Variants in ANTXR2 observed in about 807,000 individuals in gnomAD.
ANTXR2 encodes the protein ANTXR cell adhesion molecule 2, also known as anthrax toxin receptor 2.
In ANTXR2, 44 loss-of-function variants were observed where a neutral mutation model predicts 73.7. That is an observed-to-expected ratio of 0.60 (90% CI 0.47 to 0.77). The LOEUF (loss-of-function observed/expected upper bound fraction) is 0.77, where lower values mean the gene tolerates loss of function less well. Among genes scored for constraint, ANTXR2 ranks in the 30% least tolerant of loss-of-function variants. The pLI, the probability that ANTXR2 is intolerant of heterozygous loss-of-function variation, is 0.00. For missense variants in ANTXR2, 604 were observed against 592.5 expected, an observed-to-expected ratio of 1.02 and a Z score of -0.20; for synonymous variants, 217 against 205.9, an observed-to-expected ratio of 1.05 and a Z score of -0.46.
At chr4:80,030,244 G>T (rs1016293970) in intron 10 of ANTXR2, among the ~76,000 whole-genome samples, 1 of 151,960 alleles carries the variant, frequency 6.6e-6, no homozygotes, top group African/African-American at 2.4e-5. Context: ...ATTTTTACCT[G>T]AACAACAAAA....
At chr4:79,979,323 G>A (rs1729784120) in intron 14 of ANTXR2, among the ~76,000 whole-genome samples, 1 of 152,016 alleles carries the variant, frequency 6.6e-6, no homozygotes, top group Non-Finnish European at 1.5e-5. Flanking sequence ...GGCGAGGTCA[G>A]AGGAGTGAAG....
intron 16 of ANTXR2, among the ~76,000 whole-genome samples, chr4:79,957,317 T>C (rs1392201017): frequency 6.6e-6 from 1 of 152,108 alleles, no homozygotes; most frequent in Non-Finnish European, 1.5e-5. Flanking sequence ...AATAATTAAT[T>C]AATAGGTACA....
intron 12 of ANTXR2, among the ~76,000 whole-genome samples, chr4:80,006,189 G>A (rs1731294089): frequency 6.6e-6 from 1 of 151,914 alleles, no homozygotes; most frequent in South Asian, 2.1e-4. Flanking sequence ...CCGCTATTAG[G>A]ACTTCAGTTA....
At position 79,902,952 on chromosome 4, in the gene ANTXR2, C is replaced by T. The variant is rs914579323; in HGVS notation, c.*4477G>A. The T allele has an allele frequency of 5.3e-5, 8 of 151,966 alleles. No homozygotes were observed. The highest frequency in any genetic ancestry group is 1.9e-4 in the African/African-American group (8 of 41,338). 9.4% of individuals were successfully genotyped at this position (151,966 alleles called of 1,614,324 possible). On this transcript the variant is annotated 3_prime_UTR_variant, in exon 17 of 17. Coordinates refer to ENST00000403729, the MANE Select transcript of ANTXR2 (RefSeq NM_058172.6). ...ATCACTTGAGGCCAGGTGTTTGAGA[C>T]CAGTCTGAGCAACATAGCGAAACCC...
chr4:80,000,587 C>T (rs546087581), intron 12 of ANTXR2, among the ~76,000 whole-genome samples: 20 of 152,054 alleles, frequency 1.3e-4, no homozygotes, highest in Admixed American at 1.2e-3. Context: ...ACAAATAATA[C>T]ATAAATCATT....
intron 16 of ANTXR2, among the ~76,000 whole-genome samples, chr4:79,948,779 G>GGA (rs1323954395): frequency 6.6e-6 from 1 of 152,056 alleles, no homozygotes; most frequent in Non-Finnish European, 1.5e-5. Flanking sequence ...GGAGGAGGAA[G>GGA]GAAAGGAGGA....
At chr4:79,934,283 CT>C (rs1386780006) in intron 16 of ANTXR2, among the ~76,000 whole-genome samples, 3 of 152,146 alleles carry the variant, frequency 2.0e-5, no homozygotes, top group Non-Finnish European at 4.4e-5. Flanking sequence ...AATCCCAGCA[CT>C]TTGTGGGGGC....
rs575403580 is a variant in ANTXR2 at position 80,058,168 on chromosome 4, A to G, written c.297-2155T>C. The stretch of plus-strand genomic sequence containing the variant: ...TCCATTCAGTTCAAATCAGCTCACC[A>G]TTGCTGCTGAGTCCCAGACAACACC... On this transcript the variant is annotated intron_variant, in intron 3 of 16. Transcript: ENST00000403729. 2.0e-5 allele frequency among the ~76,000 whole-genome samples: 3 copies of G among 152,208 alleles called. No individual in the cohort carries two copies. The Middle Eastern group carries it at 0.01, about 518-fold the overall frequency.
chr4:80,003,171 T>A (rs1297472922), intron 12 of ANTXR2, among the ~76,000 whole-genome samples: 1 of 152,046 alleles, frequency 6.6e-6, no homozygotes, highest in Non-Finnish European at 1.5e-5. Context: ...CAAATGTCCA[T>A]GAATGATAGA....
intron 7 of ANTXR2, among the ~76,000 whole-genome samples, chr4:80,043,014 T>C (rs1180444327): frequency 6.6e-6 from 1 of 152,002 alleles, no homozygotes; most frequent in South Asian, 2.1e-4. Context: ...TCTGTAAGAC[T>C]TGTGCTGATA....
intron 4 of ANTXR2, 54 bp from the exon 5 acceptor site, chr4:80,055,521 G>A (rs1450897810): frequency 2.2e-5 from 31 of 1,415,078 alleles, no homozygotes; most frequent in Non-Finnish European, 3.0e-5. Context: ...CTTTTAACCA[G>A]CATGTTCCAT....
intron 14 of ANTXR2, among the ~76,000 whole-genome samples, chr4:79,981,686 A>T (rs961268617): frequency 6.6e-6 from 1 of 152,224 alleles, no homozygotes; most frequent in Admixed American, 6.5e-5. Context: ...CATTTCAGAT[A>T]AGGGATACTC....
chr4:80,017,622 T>A (rs895225192), intron 11 of ANTXR2, among the ~76,000 whole-genome samples: 14 of 152,296 alleles, frequency 9.2e-5, no homozygotes, highest in African/African-American at 3.4e-4. Flanking sequence ...AACAAAGACC[T>A]GTTTTCCTGC....
Position 80,054,280 on chromosome 4 carries a change from TTA to T in ANTXR2, c.626_627del (p.Ile209AsnfsTer2). The T allele has an allele frequency of 1.3e-6, 2 of 1,596,286 alleles. No homozygotes were observed. Among genetic ancestry groups the T allele is most frequent in the Non-Finnish European group, 1.7e-6 (2 of 1,171,086 alleles). On this transcript the variant is annotated frameshift_variant, in exon 7 of 17. Coordinates refer to ENST00000403729, the MANE Select transcript of ANTXR2 (RefSeq NM_058172.6). LOFTEE classifies it high-confidence loss of function. ...CCCAGAGAAATACTCACAGAATTAATTATTCCTTTAAGAGCCTGAAATCCACC... is the reference window on the plus strand; with the variant it reads ...CCCAGAGAAATACTCACAGAATTAATTTCCTTTAAGAGCCTGAAATCCACC... ...VKGGFQALKGIINSILAQSCT... is the reference protein window; with the variant it reads ...VKGGFQALKGXINSILAQSCT...
chr4:80,018,844 A>G, intron 11 of ANTXR2, 54 bp downstream of exon 11: 1 of 1,307,314 alleles, frequency 7.6e-7, no homozygotes. Flanking sequence ...TCCATAGATT[A>G]TTTCTGGATG....
chr4:79,902,512 C>T lies in ANTXR2; in HGVS notation c.*4917G>A, dbSNP rs1340353111. ...AACTGGGAGCATAAATATCTCCTAA[C>T]AATCTCTGTGCTTCTTTATATATGT... On this transcript the variant is annotated 3_prime_UTR_variant, in exon 17 of 17. Coordinates refer to ENST00000403729, the MANE Select transcript of ANTXR2 (RefSeq NM_058172.6). 1.3e-5 allele frequency: 2 copies of T among 152,116 alleles called. No individual in the cohort carries two copies. Among genetic ancestry groups the T allele is most frequent in the East Asian group, 1.9e-4 (1 of 5,194 alleles). The allele number at this position is 152,116 out of a possible 1,614,324, so 9.4% of individuals were successfully genotyped here. A position where few individuals can be genotyped will look rare whatever the true frequency, so the allele number is the denominator to read the frequency against.
chr4:79,948,199 C>G (rs2109978883), intron 16 of ANTXR2, among the ~76,000 whole-genome samples: 1 of 152,216 alleles, frequency 6.6e-6, no homozygotes, highest in East Asian at 1.9e-4. Flanking sequence ...TATGTGGCAT[C>G]CTTAGGAGAA....
At chr4:80,072,385 C>T (rs1249421763) in intron 1 of ANTXR2, 24 bp downstream of exon 1, 1 of 1,573,796 alleles carries the variant, frequency 6.4e-7, no homozygotes, top group Non-Finnish European at 8.6e-7. Context: ...ACCAGGAGAC[C>T]CTGGACCTCC....
chr4:79,908,117 A>G (rs1726992197), intron 16 of ANTXR2, among the ~76,000 whole-genome samples: 3 of 152,208 alleles, frequency 2.0e-5, no homozygotes, highest in Admixed American at 2.0e-4. Context: ...TTCCATGTGT[A>G]TTGTAAATAA....
Sources: allele counts gnomAD v4.1 joint callset (sites outside exome capture counted in the v4.1 genomes callset), GRCh38; gene constraint gnomAD v4.1.1; transcripts MANE v1.5; gene names NCBI Gene and HGNC (gene_info 2026-07-23, HGNC 2026-07-21).